Variants in ATP13A5 observed in about 807,000 individuals in gnomAD.
ATP13A5 encodes probable cation-transporting ATPase 13A5.
In ATP13A5, 149 loss-of-function variants were observed where a neutral mutation model predicts 150.2. That is an observed-to-expected ratio of 0.99 (90% CI 0.87 to 1.14). The LOEUF (loss-of-function observed/expected upper bound fraction) is 1.14, where lower values mean the gene tolerates loss of function less well. Ranked by LOEUF, ATP13A5 falls within the 50% of genes most tolerant of loss-of-function variation. The pLI, the probability that ATP13A5 is intolerant of heterozygous loss-of-function variation, is 0.00. For synonymous variants in ATP13A5, 497 were observed against 522.2 expected (o/e 0.95, Z 0.66); for missense variants, 1,383 against 1,449.3 (o/e 0.95, Z 0.74).
chr3:193,327,218 G>A (rs1454198211), intron 12 of ATP13A5, among the ~76,000 whole-genome samples, 161 bp from the exon 13 acceptor site: 1 of 152,182 alleles, frequency 6.6e-6, no homozygotes, highest in Non-Finnish European at 1.5e-5. Flanking sequence ...GTACCCACAA[G>A]AAAAATTAAG....
intron 27 of ATP13A5, among the ~76,000 whole-genome samples, chr3:193,281,423 G>T (rs531654737): frequency 2.0e-5 from 3 of 152,316 alleles, no homozygotes; most frequent in Non-Finnish European, 2.9e-5. Context: ...AGATTTGAAT[G>T]TTGGCTCTTC....
chr3:193,353,890 C>T (rs1317192635), intron 6 of ATP13A5, among the ~76,000 whole-genome samples: 3 of 141,614 alleles, frequency 2.1e-5, no homozygotes, highest in African/African-American at 8.1e-5. Flanking sequence ...CCACCAAAAC[C>T]ACCATCCAAA....
chr3:193,377,721 A>T (rs536550673), intron 1 of ATP13A5, among the ~76,000 whole-genome samples: 1 of 152,300 alleles, frequency 6.6e-6, no homozygotes, highest in East Asian at 1.9e-4. Flanking sequence ...AACTGACATC[A>T]TTCTAATCTA....
chr3:193,302,683 C>T (rs1393182709), intron 23 of ATP13A5, among the ~76,000 whole-genome samples: 2 of 152,188 alleles, frequency 1.3e-5, no homozygotes, highest in African/African-American at 4.8e-5. Flanking sequence ...AAGACACAGT[C>T]TCTGCCCTAA....
intron 1 of ATP13A5, among the ~76,000 whole-genome samples, chr3:193,372,844 C>G (rs1565353): frequency 0.94 from 143,178 of 152,270 alleles, 67,372 homozygotes; most frequent in East Asian, 0.97. Context: ...CCAGCCTAGA[C>G]AAATTTTTGA....
intron 9 of ATP13A5, among the ~76,000 whole-genome samples, chr3:193,343,623 A>G (rs1712211233): frequency 6.6e-6 from 1 of 152,156 alleles, no homozygotes; most frequent in Non-Finnish European, 1.5e-5. Flanking sequence ...TTGTGCTTCA[A>G]ACTGTGTAGT....
chr3:193,288,908 C>T (rs1012173623), intron 26 of ATP13A5, among the ~76,000 whole-genome samples: 6 of 151,996 alleles, frequency 3.9e-5, no homozygotes, highest in African/African-American at 1.2e-4. Flanking sequence ...ATTTCCTATC[C>T]ATCCTCTTTT....
rs771933944 is a variant in ATP13A5, at chr3:193,275,210, C to G, written c.3489G>C (p.Lys1163Asn). 6.2e-7 allele frequency: 1 copy of G among 1,614,192 alleles called. No homozygotes were observed. Among genetic ancestry groups the G allele is most frequent in the Admixed American group, 1.7e-5 (1 of 60,026 alleles). ...GAGGCCAGGTTGAGTCTTCTGCTAG[C>G]TTCTTTTGCCAAGTCCTATATTGAC... ...SKSQYRTWQK[K>N]LAEDSTWPPI... Residue 1163 changes from lysine to asparagine, a missense_variant, in exon 30 of 30, where the codon AAG becomes AAC. Around this residue, in one of 3 missense-constraint regions of ATP13A5, gnomAD observed 568 missense variants for 621.5 expected, o/e 0.91. Transcript: ENST00000342358.
chr3:193,325,266 T>G (rs1304806232), intron 13 of ATP13A5, among the ~76,000 whole-genome samples: 1 of 152,236 alleles, frequency 6.6e-6, no homozygotes, highest in Non-Finnish European at 1.5e-5. Context: ...AGATCCACAT[T>G]AAACTTCTTG....
intron 24 of ATP13A5, 79 bp downstream of exon 24, chr3:193,301,132 G>C: frequency 1.8e-6 from 2 of 1,122,366 alleles, no homozygotes; most frequent in Non-Finnish European, 2.7e-6. Context: ...ATTAAATCTT[G>C]TATAGGAGCT....
chr3:193,361,079 C>A (rs1712988902), intron 5 of ATP13A5, among the ~76,000 whole-genome samples: 1 of 152,122 alleles, frequency 6.6e-6, no homozygotes, highest in East Asian at 1.9e-4. Context: ...GAAATCTTTC[C>A]TGTGGAAGTG....
At chr3:193,316,176 G>A (rs1225466727) in intron 17 of ATP13A5, among the ~76,000 whole-genome samples, 1 of 152,040 alleles carries the variant, frequency 6.6e-6, no homozygotes, top group Non-Finnish European at 1.5e-5. Context: ...TCCATTATAT[G>A]TACATATTAC....
chr3:193,344,993 C>T lies in ATP13A5; in HGVS notation c.814+10G>A. 6.2e-7 allele frequency: 1 copy of T among 1,610,938 alleles called. No individual in the cohort carries two copies. The stretch of plus-strand genomic sequence containing the variant: ...TTAAGATGCTGAAGATGGCCTAACA[C>T]ATCACTTACCTTTGTCTTTTACAAT... On this transcript the variant is annotated intron_variant, in intron 8 of 29. Transcript: ENST00000342358.
intron 5 of ATP13A5, among the ~76,000 whole-genome samples, chr3:193,360,748 C>T (rs141677288): frequency 0.01 from 1,582 of 152,228 alleles, 23 homozygotes; most frequent in African/African-American, 0.036. Context: ...ATGATCTCAG[C>T]TCTCTGCAAC....
Position 193,314,035 on chromosome 3 carries a change from T to G in ATP13A5, c.2317A>C (p.Lys773Gln). 1 of 1,612,770 alleles carries G rather than the reference T, an allele frequency of 6.2e-7. No individual in the cohort carries two copies. The highest frequency in any genetic ancestry group is 8.5e-7 in the Non-Finnish European group (1 of 1,179,766). Residue 773 changes from lysine (K) to glutamine (Q), a missense_variant and splice_region_variant, in exon 19 of 30, where the codon AAA becomes CAA. Physicochemically the swap from Lys to Gln is moderately conservative, Grantham distance 53. This residue lies in a region of ATP13A5 where 568 missense variants were observed against 621.5 expected (regional missense o/e 0.91). Transcript: ENST00000342358. ...GGGGCCTTCTAACATTTGCTCACTT[T>G]CTTCCCAGGTCCAGTCTCTTGGTTC... is the stretch of plus-strand genomic sequence containing the variant. ...VENQETGPGK[K>Q]EIYMHTGNSS...
chr3:193,350,959 T>C, intron 7 of ATP13A5, 108 bp downstream of exon 7: 1 of 1,325,842 alleles, frequency 7.5e-7, no homozygotes, highest in Non-Finnish European at 1.0e-6. Flanking sequence ...CTTTTTGTTT[T>C]ATGACTTATG....
intron 8 of ATP13A5, 87 bp from the exon 9 acceptor site, chr3:193,344,142 G>T: frequency 1.3e-6 from 2 of 1,512,294 alleles, no homozygotes; most frequent in South Asian, 1.3e-5. Context: ...TTATCAACCT[G>T]TTGGCCAAGA....
chr3:193,353,879 A>G (rs144102074), intron 6 of ATP13A5, among the ~76,000 whole-genome samples: 1 of 147,752 alleles, frequency 6.8e-6, no homozygotes, highest in Non-Finnish European at 1.5e-5. Context: ...CACCACCACC[A>G]CCACCAAAAC....
At chr3:193,319,810 T>C (rs1280504417) in intron 16 of ATP13A5, among the ~76,000 whole-genome samples, 3 of 152,226 alleles carry the variant, frequency 2.0e-5, no homozygotes, top group Non-Finnish European at 4.4e-5. Context: ...AAATCTGGTC[T>C]ATAGCTTGTT....
Sources: gnomAD v4.1 joint callset for allele counts (sites outside exome capture counted in the v4.1 genomes callset) on GRCh38, gnomAD v4.1.1 for gene constraint, gnomAD v4.1.1 regional missense constraint, MANE v1.5 for transcripts, NCBI Gene and HGNC (gene_info 2026-07-23, HGNC 2026-07-21) for gene names.